Variants in COLEC12 observed in about 807,000 individuals in gnomAD.
The protein encoded by COLEC12 is collectin subfamily member 12.
In COLEC12, 33 loss-of-function variants were observed where a neutral mutation model predicts 71.1. The observed-to-expected ratio is 0.46, with a 90% CI of 0.35 to 0.62. The LOEUF (loss-of-function observed/expected upper bound fraction) is 0.62. Ranked by LOEUF, COLEC12 falls within the 20% of genes least tolerant of loss-of-function variation. The pLI, the probability that COLEC12 is intolerant of heterozygous loss-of-function variation, is 0.00. For synonymous variants in COLEC12, 350 were observed against 353.0 expected, an observed-to-expected ratio of 0.99 and a Z score of 0.10; for missense variants, 765 against 916.1, an observed-to-expected ratio of 0.84 and a Z score of 2.13.
chr18:450,907 T>TA (rs1380848463), intron 2 of COLEC12, among the ~76,000 whole-genome samples: 1 of 143,210 alleles, frequency 7.0e-6, no homozygotes, highest in Non-Finnish European at 1.5e-5. Context: ...GGAACTGGAG[T>TA]AAAGGCCACT....
intron 2 of COLEC12, among the ~76,000 whole-genome samples, chr18:440,977 G>A (rs576469963): frequency 6.3e-4 from 96 of 152,144 alleles, no homozygotes; most frequent in African/African-American, 2.0e-3. Context: ...GGCCGGGCGT[G>A]GTGGCTCACG....
At chr18:378,322 A>G (rs1915156993) in intron 2 of COLEC12, among the ~76,000 whole-genome samples, 1 of 152,242 alleles carries the variant, frequency 6.6e-6, no homozygotes, top group African/African-American at 2.4e-5. Context: ...GAAGTTGTGA[A>G]TTAAACACAA....
At chr18:344,616 A>G (rs989638135) in intron 5 of COLEC12, among the ~76,000 whole-genome samples, 4 of 152,208 alleles carry the variant, frequency 2.6e-5, no homozygotes, top group Admixed American at 2.0e-4. Context: ...TTCTTAACAC[A>G]GTCCACAGTC....
chr18:334,540 A>C, intron 6 of COLEC12: 1 of 392,922 alleles, frequency 2.5e-6, no homozygotes, highest in Non-Finnish European at 4.5e-6. Context: ...AGGCAGGAGA[A>C]TCACTTGAAC....
intron 2 of COLEC12, among the ~76,000 whole-genome samples, chr18:411,946 T>C (rs1915900310): frequency 6.6e-6 from 1 of 151,908 alleles, no homozygotes; most frequent in African/African-American, 2.4e-5. Context: ...GAAAAGCAAA[T>C]AACAGAGCCT....
At chr18:479,284 G>A (rs1264141598) in intron 2 of COLEC12, among the ~76,000 whole-genome samples, 2 of 151,582 alleles carry the variant, frequency 1.3e-5, no homozygotes, top group Non-Finnish European at 2.9e-5. Flanking sequence ...CACGGAGGAG[G>A]GGCGACGGGG....
intron 2 of COLEC12, among the ~76,000 whole-genome samples, chr18:424,832 T>C (rs1039946148): frequency 1.3e-5 from 2 of 152,170 alleles, no homozygotes; most frequent in Admixed American, 1.3e-4. Flanking sequence ...AGGCTCTGCC[T>C]TGGAGAGCTC....
At chr18:331,623 A>G in intron 8 of COLEC12, 45 bp downstream of exon 8, 1 of 1,240,334 alleles carries the variant, frequency 8.1e-7, no homozygotes, top group Non-Finnish European at 1.2e-6. Flanking sequence ...TGACAACAGA[A>G]CAGTGAGAGC....
intron 2 of COLEC12, among the ~76,000 whole-genome samples, chr18:415,709 T>G (rs766670379): frequency 5.9e-5 from 9 of 152,160 alleles, no homozygotes; most frequent in Non-Finnish European, 1.2e-4. Flanking sequence ...GGCTTTTCAT[T>G]TAGACCTTTG....
intron 2 of COLEC12, among the ~76,000 whole-genome samples, chr18:468,266 A>AG (rs1378192295): frequency 6.6e-6 from 1 of 151,856 alleles, no homozygotes; most frequent in Non-Finnish European, 1.5e-5. Context: ...CGTCTCAAAA[A>AG]AAAAAAAAAA....
rs138862918 is a variant in COLEC12, at chr18:341,083, C to T, written c.1327+5212G>A. On this transcript the variant is annotated intron_variant, in intron 5 of 9. Transcript: ENST00000400256. ...GACCCACATTGCACTGTCCCCTGTCCCGTCAACCTTCATGTGCACCTTTCA... is the reference window on the plus strand; with the variant it reads ...GACCCACATTGCACTGTCCCCTGTCTCGTCAACCTTCATGTGCACCTTTCA... 8.5e-4 allele frequency among the ~76,000 whole-genome samples: 129 copies of T among 152,288 alleles called. 1 individual carries two copies. The highest frequency in any genetic ancestry group is 2.8e-3 in the African/African-American group (116 of 41,546).
At chr18:466,146 A>G (rs1917081344) in intron 2 of COLEC12, among the ~76,000 whole-genome samples, 1 of 152,196 alleles carries the variant, frequency 6.6e-6, no homozygotes. Flanking sequence ...AGGCTGAGGC[A>G]GGAGAATCAC....
intron 2 of COLEC12, among the ~76,000 whole-genome samples, chr18:411,830 A>T (rs560603754): frequency 6.6e-6 from 1 of 152,342 alleles, no homozygotes; most frequent in East Asian, 1.9e-4. Flanking sequence ...AACCAGAAAC[A>T]AACAAAAAAC....
At chr18:430,754 TTAATGTAAAGCC>T (rs1916287359) in intron 2 of COLEC12, among the ~76,000 whole-genome samples, 1 of 152,198 alleles carries the variant, frequency 6.6e-6, no homozygotes, top group Non-Finnish European at 1.5e-5. Flanking sequence ...GGGAAACCAT[TTAATGTAAAGCC>T]ATGGTCATAT....
chr18:408,611 GAAAA>G lies in COLEC12; in HGVS notation c.59-51093_59-51090del. Among the ~76,000 whole-genome samples, 1 of 144,310 alleles carries G rather than the reference GAAAA, an allele frequency of 6.9e-6. No homozygotes were observed. The highest frequency in any genetic ancestry group is 1.5e-5 in the Non-Finnish European group (1 of 65,906). 94.7% of individuals were successfully genotyped at this position (144,310 alleles called of 152,430 possible). ...AGTATTACCAAATATTGAGAAAAAG[GAAAA>G]AAAAAAAAGACAGGAAAATAAAAGC... On this transcript the variant is annotated intron_variant, in intron 2 of 9. Coordinates refer to ENST00000400256, the MANE Select transcript of COLEC12 (RefSeq NM_130386.3). This position sits in a 1 kb window ranked among gnomAD's most constrained non-coding sequence, Gnocchi z 4.3.
chr18:409,541 A>G (rs1417038091), intron 2 of COLEC12, among the ~76,000 whole-genome samples: 2 of 152,190 alleles, frequency 1.3e-5, no homozygotes, highest in Non-Finnish European at 2.9e-5. Context: ...AATAAAAGAA[A>G]TGTCTACTTT....
At chr18:419,341 GACT>G (rs1916051231) in intron 2 of COLEC12, among the ~76,000 whole-genome samples, 1 of 152,118 alleles carries the variant, frequency 6.6e-6, no homozygotes, top group Non-Finnish European at 1.5e-5. Flanking sequence ...GAGTAGCTGG[GACT>G]ACAGGCGCAT....
At chr18:464,816 AG>A (rs1189442467) in intron 2 of COLEC12, among the ~76,000 whole-genome samples, 16 of 152,252 alleles carry the variant, frequency 1.1e-4, no homozygotes, top group Non-Finnish European at 1.5e-4. Context: ...CCCAAGACTC[AG>A]GCAAATGAAA....
intron 2 of COLEC12, among the ~76,000 whole-genome samples, chr18:447,741 TGTA>T (rs1916681149): frequency 6.6e-6 from 1 of 152,218 alleles, no homozygotes; most frequent in Non-Finnish European, 1.5e-5. Context: ...TTTGCTAATA[TGTA>T]GTAAACATAA....
Sources: gnomAD v4.1 joint callset for allele counts (sites outside exome capture counted in the v4.1 genomes callset) on GRCh38, gnomAD v4.1.1 for gene constraint, Gnocchi (gnomAD v3.1) non-coding constraint, MANE v1.5 for transcripts, NCBI Gene and HGNC (gene_info 2026-07-23, HGNC 2026-07-21) for gene names.